Variants in PRLR observed in about 807,000 individuals in gnomAD.
The protein encoded by PRLR is prolactin receptor.
Under a neutral mutation model 40.2 loss-of-function variants are expected in PRLR, and 13 were observed. The ratio of observed to expected loss-of-function variants is 0.32; its 90% CI spans 0.21 to 0.51. The LOEUF (loss-of-function observed/expected upper bound fraction) is 0.51, where lower values mean the gene tolerates loss of function less well. Ranked by LOEUF, PRLR falls within the 20% of genes least tolerant of loss-of-function variation. The pLI, the probability that PRLR is intolerant of heterozygous loss-of-function variation, is 0.97. For synonymous variants in PRLR, 269 were observed against 278.7 expected (o/e 0.97, Z 0.35); for missense variants, 656 against 747.3 (o/e 0.88, Z 1.42).
chr5:35,186,544 C>T lies in PRLR; in HGVS notation c.-106+43724G>A, dbSNP rs980614000. On this transcript the variant is annotated intron_variant, in intron 1 of 9. Coordinates refer to ENST00000618457, the MANE Select transcript of PRLR (RefSeq NM_000949.7). ...TGCCTTATTGAGGCCTCAGTTTACC[C>T]AGAGGAAACAGCTCTTCCCTATGAC... 4.6e-5 allele frequency among the ~76,000 whole-genome samples: 7 copies of T among 152,296 alleles called. 1 individual carries two copies. Among genetic ancestry groups the T allele is most frequent in the Admixed American group, 6.5e-5 (1 of 15,304 alleles).
In PRLR at chr5:35,056,889, A is replaced by G. The variant is rs760327862; in HGVS notation, c.*8200T>C. ...TAAGACATGGAATTAGAGAATTAAG[A>G]GGAGGCAGAGAAGAACTTGGAAAGC... On this transcript the variant is annotated 3_prime_UTR_variant, in exon 10 of 10. Coordinates refer to ENST00000618457, the MANE Select transcript of PRLR (RefSeq NM_000949.7). 6.6e-6 allele frequency: 1 copy of G among 152,210 alleles called. No individual in the cohort carries two copies. The highest frequency in any genetic ancestry group is 1.5e-5 in the Non-Finnish European group (1 of 68,034). 9.4% of individuals were successfully genotyped at this position (152,210 alleles called of 1,614,324 possible).
rs1253894860 is a variant in PRLR, at chr5:35,133,335, T to A, written c.-105-15213A>T. ...CTCCTCTCATGTATACCTATATATA[T>A]CCCATTGGTTCTGCTTCTCTGGGGA... On this transcript the variant is annotated intron_variant, in intron 1 of 9. Transcript: ENST00000618457. Among the ~76,000 whole-genome samples the A allele has an allele frequency of 2.0e-5, 3 of 152,272 alleles. No homozygotes were observed. The East Asian group carries it at 5.8e-4, about 29-fold the overall frequency.
At chr5:35,118,215 T>C (rs530966538) in intron 1 of PRLR, 93 bp from the exon 2 acceptor site, 6 of 580,780 alleles carry the variant, frequency 1.0e-5, no homozygotes, top group South Asian at 1.5e-4. Context: ...TGGCTGAACA[T>C]TGGCCCCTCA....
chr5:35,203,850 G>T (rs1363438339), intron 1 of PRLR, among the ~76,000 whole-genome samples: 1 of 151,828 alleles, frequency 6.6e-6, no homozygotes, highest in Non-Finnish European at 1.5e-5. Flanking sequence ...TAAATATTTA[G>T]GTAGTTGAGC....
chr5:35,207,102 G>T (rs1776042515), intron 1 of PRLR, among the ~76,000 whole-genome samples: 1 of 152,000 alleles, frequency 6.6e-6, no homozygotes, highest in South Asian at 2.1e-4. Context: ...TTATGTAAGA[G>T]GTGTTCTTCT....
intron 1 of PRLR, among the ~76,000 whole-genome samples, chr5:35,125,158 G>A (rs1250675096): frequency 1.3e-5 from 2 of 152,202 alleles, no homozygotes; most frequent in Non-Finnish European, 1.5e-5. Context: ...GATTTTACAA[G>A]CATGAGAGGA....
intron 6 of PRLR, among the ~76,000 whole-genome samples, chr5:35,071,346 G>A (rs933099129): frequency 5.3e-5 from 8 of 152,164 alleles, no homozygotes; most frequent in Non-Finnish European, 8.8e-5. Flanking sequence ...TGTGGTCTAC[G>A]AGCAGATTCT....
At chr5:35,086,175 T>C (rs1447789682) in intron 4 of PRLR, 33 bp downstream of exon 4, 2 of 1,611,878 alleles carry the variant, frequency 1.2e-6, no homozygotes, top group African/African-American at 1.3e-5. Context: ...AGTACTCATG[T>C]GGGGTTTCAT....
chr5:35,191,197 A>C (rs1775597519), intron 1 of PRLR, among the ~76,000 whole-genome samples: 1 of 124,756 alleles, frequency 8.0e-6, no homozygotes, highest in African/African-American at 3.0e-5. Context: ...CAGCCTCCCA[A>C]GTAGCTGGGA....
At chr5:35,171,724 G>A (rs1289878592) in intron 1 of PRLR, among the ~76,000 whole-genome samples, 4 of 152,148 alleles carry the variant, frequency 2.6e-5, no homozygotes, top group Admixed American at 6.5e-5. Flanking sequence ...GGTATGGGAT[G>A]ATGGGGTATG....
intron 1 of PRLR, chr5:35,135,210 A>G (rs1158933761): frequency 6.6e-6 from 1 of 152,184 alleles, no homozygotes; most frequent in Non-Finnish European, 1.5e-5. Context: ...GAAATCAGCT[A>G]AGGAAAAGGC....
At chr5:35,230,023 C>A in intron 1 of PRLR, among the ~76,000 whole-genome samples, 1 of 152,124 alleles carries the variant, frequency 6.6e-6, no homozygotes, top group Non-Finnish European at 1.5e-5. Context: ...GGAGGCAAAG[C>A]ACCTTAAGAG....
intron 2 of PRLR, among the ~76,000 whole-genome samples, chr5:35,106,726 C>G (rs1561303810): frequency 6.6e-6 from 1 of 152,148 alleles, no homozygotes; most frequent in Non-Finnish European, 1.5e-5. Flanking sequence ...ATTCATAAAG[C>G]AAGTCCTTAG....
intron 2 of PRLR, among the ~76,000 whole-genome samples, chr5:35,113,408 T>A (rs1426438908): frequency 1.4e-5 from 2 of 138,696 alleles, no homozygotes; most frequent in Non-Finnish European, 3.1e-5. Context: ...CATCCATCCA[T>A]CCATCCATCC....
At chr5:35,222,928 A>G (rs1034942327) in intron 1 of PRLR, among the ~76,000 whole-genome samples, 2 of 152,206 alleles carry the variant, frequency 1.3e-5, no homozygotes, top group African/African-American at 4.8e-5. Flanking sequence ...GCATGATAAT[A>G]AAGCCCTTGG....
intron 3 of PRLR, among the ~76,000 whole-genome samples, chr5:35,088,732 G>A (rs189359236): frequency 4.6e-5 from 7 of 152,074 alleles, no homozygotes. Flanking sequence ...GTATGTAGAT[G>A]CCCACACAGA....
chr5:35,144,545 C>A (rs1041881368), intron 1 of PRLR, among the ~76,000 whole-genome samples: 1 of 152,142 alleles, frequency 6.6e-6, no homozygotes, highest in African/African-American at 2.4e-5. Flanking sequence ...CCTCTGCCTC[C>A]CAGGTTCAAG....
Position 35,061,967 on chromosome 5 carries a change from A to G in PRLR, c.*3122T>C, listed in dbSNP as rs933890270. The G allele has an allele frequency of 2.0e-5, 3 of 152,214 alleles. No homozygotes were observed. The highest frequency in any genetic ancestry group is 4.8e-5 in the African/African-American group (2 of 41,456). 9.4% of individuals were successfully genotyped at this position (152,214 alleles called of 1,614,324 possible). On this transcript the variant is annotated 3_prime_UTR_variant, in exon 10 of 10. Transcript: ENST00000618457. ...TTTCTAAAGATTAGTGCCTCATTCA[A>G]TATGTCTCTTCTCAATCTCCTGCCT...
At chr5:35,160,463 A>T (rs531443913) in intron 1 of PRLR, among the ~76,000 whole-genome samples, 2 of 152,298 alleles carry the variant, frequency 1.3e-5, no homozygotes, top group African/African-American at 4.8e-5. Context: ...GGCCAAGATA[A>T]CTTTGGAAGA....
Sources: allele counts gnomAD v4.1 joint callset (sites outside exome capture counted in the v4.1 genomes callset), GRCh38; gene constraint gnomAD v4.1.1; transcripts MANE v1.5; gene names NCBI Gene and HGNC (gene_info 2026-07-23, HGNC 2026-07-21).